The following RAF1 variants were observed in gnomAD, a reference collection of about 807,000 sequenced individuals.
The protein encoded by RAF1 is Raf-1 proto-oncogene, serine/threonine kinase, also known as RAF proto-oncogene serine/threonine-protein kinase.
RAF1 carries 27 observed loss-of-function variants against 81.1 expected under a neutral mutation model. The ratio of observed to expected loss-of-function variants is 0.33; its 90% CI spans 0.25 to 0.46. The LOEUF (loss-of-function observed/expected upper bound fraction) is 0.46, where lower values mean the gene tolerates loss of function less well. Among genes scored for constraint, RAF1 ranks in the 20% least tolerant of loss-of-function variants. The pLI is 1.00. For synonymous variants in RAF1, 298 were observed against 294.0 expected, an observed-to-expected ratio of 1.01 and a Z score of -0.14; for missense variants, 598 against 826.0, an observed-to-expected ratio of 0.72 and a Z score of 3.38.
At chr3:12,640,552 G>A (rs1346731808) in intron 1 of RAF1, among the ~76,000 whole-genome samples, 1 of 152,130 alleles carries the variant, frequency 6.6e-6, no homozygotes, top group African/African-American at 2.4e-5. Flanking sequence ...ATCAAAAAGT[G>A]GGCAAAGGAT....
rs2058814393 is a variant in RAF1 at position 12,600,144 on chromosome 3, A to G, written c.1050+8T>C. 6.2e-7 allele frequency: 1 copy of G among 1,614,040 alleles called. No individual in the cohort carries two copies. The highest frequency in any genetic ancestry group is 8.5e-7 in the Non-Finnish European group (1 of 1,179,962). ...TAATTGGCAGGAGGTACTGTTGTCTATACTCACAATTTTGTTTTTCTCCTG... is the reference window on the plus strand; with the variant it reads ...TAATTGGCAGGAGGTACTGTTGTCTGTACTCACAATTTTGTTTTTCTCCTG... On this transcript the variant is annotated splice_region_variant and intron_variant, in intron 10 of 17. Transcript: ENST00000442415.
chr3:12,636,440 C>CT (rs934267590), intron 1 of RAF1, among the ~76,000 whole-genome samples: 12 of 47,886 alleles, frequency 2.5e-4, no homozygotes, highest in South Asian at 1.3e-3. Context: ...GACTGTATAT[C>CT]TTTAAAAAAA....
At chr3:12,593,452 G>A (rs1380286780) in intron 11 of RAF1, among the ~76,000 whole-genome samples, 1 of 146,054 alleles carries the variant, frequency 6.8e-6, no homozygotes, top group African/African-American at 2.5e-5. Context: ...CTGTCTCCCT[G>A]TGATCTCTGG....
rs186130570 is a variant in RAF1 at position 12,601,286 on chromosome 3, G to C, written c.895-871C>G. Reference sequence around the variant, plus strand: ...CCAGTAGGTGGCAGAAATAGAACCAGAAACCATCATATATGGATCTCAGCC... The same window carrying C: ...CCAGTAGGTGGCAGAAATAGAACCACAAACCATCATATATGGATCTCAGCC... On this transcript the variant is annotated intron_variant, in intron 8 of 17. Coordinates refer to ENST00000442415, the MANE Select transcript of RAF1 (RefSeq NM_001354689.3). Among the ~76,000 whole-genome samples the C allele has an allele frequency of 3.5e-4, 53 of 152,322 alleles. 1 individual carries two copies. Among genetic ancestry groups the C allele is most frequent in the African/African-American group, 1.2e-3 (48 of 41,570 alleles).
chr3:12,630,773 A>G (rs1281205071), intron 1 of RAF1, among the ~76,000 whole-genome samples: 2 of 152,158 alleles, frequency 1.3e-5, no homozygotes, highest in Non-Finnish European at 2.9e-5. Context: ...AAAGGTCTTG[A>G]GCAGAGGAAA....
Position 12,619,689 on chromosome 3 carries a change from C to T in RAF1, c.-26-942G>A, listed in dbSNP as rs149441687. Among the ~76,000 whole-genome samples, 62 of 151,986 alleles carry T rather than the reference C, an allele frequency of 4.1e-4. 1 individual carries two copies. Among genetic ancestry groups the T allele is most frequent in the African/African-American group, 1.5e-3 (62 of 41,430 alleles). On this transcript the variant is annotated intron_variant, in intron 1 of 17. Coordinates refer to ENST00000442415, the MANE Select transcript of RAF1 (RefSeq NM_001354689.3). The stretch of plus-strand genomic sequence containing the variant: ...CTACTACCCTTGAGTGTGAGCAACA[C>T]ATTAGTACTATGAGAAATACCTGAA...
chr3:12,627,021 CA>C (rs34692000), intron 1 of RAF1, among the ~76,000 whole-genome samples: 478 of 77,034 alleles, frequency 6.2e-3, no homozygotes, highest in African/African-American at 0.016. Context: ...GACTCTGTCT[CA>C]AAAAAAAAAA....
intron 11 of RAF1, among the ~76,000 whole-genome samples, chr3:12,594,882 C>T (rs2058636815): frequency 6.6e-6 from 1 of 152,132 alleles, no homozygotes; most frequent in Non-Finnish European, 1.5e-5. Flanking sequence ...CTCGTTAACA[C>T]AGTTATGGTA....
chr3:12,615,846 T>C (rs2059354030), intron 2 of RAF1, among the ~76,000 whole-genome samples: 1 of 152,082 alleles, frequency 6.6e-6, no homozygotes, highest in Non-Finnish European at 1.5e-5. Context: ...GGTCAGGAGT[T>C]TGAGACCAGC....
Position 12,584,377 on chromosome 3 carries a change from C to T in RAF1, c.*137G>A, listed in dbSNP as rs1036209063. On this transcript the variant is annotated 3_prime_UTR_variant, in exon 18 of 18. Transcript: ENST00000442415. ...AAGAAGGCAACATGAAGTTAAGGCCCTGTGAGCAGTCTAGAAGGTCCTTAG... is the reference window on the plus strand; with the variant it reads ...AAGAAGGCAACATGAAGTTAAGGCCTTGTGAGCAGTCTAGAAGGTCCTTAG... 1 of 1,110,002 alleles carries T rather than the reference C, an allele frequency of 9.0e-7. No homozygotes were observed. Among genetic ancestry groups the T allele is most frequent in the African/African-American group, 1.5e-5 (1 of 64,740 alleles). The allele number at this position is 1,110,002 out of a possible 1,614,324, so 68.8% of individuals were successfully genotyped here.
chr3:12,605,920 A>G (rs1023627395), intron 6 of RAF1, among the ~76,000 whole-genome samples: 2 of 152,254 alleles, frequency 1.3e-5, no homozygotes, highest in African/African-American at 4.8e-5. Flanking sequence ...TGAGGAAAGC[A>G]GAATCTCAAG....
intron 1 of RAF1, among the ~76,000 whole-genome samples, chr3:12,630,572 T>A (rs1414843229): frequency 6.6e-6 from 1 of 152,172 alleles, no homozygotes; most frequent in Non-Finnish European, 1.5e-5. Flanking sequence ...TGAGTCTGAC[T>A]TGCAGATAAC....
rs2059123963 is a variant in RAF1 at position 12,608,933 on chromosome 3, G to C, written c.424-10C>G. On this transcript the variant is annotated splice_polypyrimidine_tract_variant and intron_variant, in intron 4 of 17. Transcript: ENST00000442415. Reference sequence around the variant, plus strand: ...GGAACGTCTTCCGAGCCTACAACAAGAACACAGGTGTAAATTATGCTGAAT... The same window carrying C: ...GGAACGTCTTCCGAGCCTACAACAACAACACAGGTGTAAATTATGCTGAAT... 1 of 1,613,856 alleles carries C rather than the reference G, an allele frequency of 6.2e-7. No homozygotes were observed. The highest frequency in any genetic ancestry group is 1.7e-5 in the Admixed American group (1 of 59,992).
chr3:12,647,015 G>A (rs1057114568), intron 1 of RAF1, among the ~76,000 whole-genome samples: 10 of 151,172 alleles, frequency 6.6e-5, no homozygotes, highest in South Asian at 2.1e-4. Flanking sequence ...CTTCATTACC[G>A]GCCAGGCGTG....
intron 3 of RAF1, among the ~76,000 whole-genome samples, chr3:12,609,650 A>G (rs2059149468): frequency 6.6e-6 from 1 of 152,108 alleles, no homozygotes; most frequent in African/African-American, 2.4e-5. Context: ...TTACTTAAAA[A>G]AATGTTTTTT....
chr3:12,601,635 C>A (rs992579169), intron 8 of RAF1, among the ~76,000 whole-genome samples: 1 of 151,986 alleles, frequency 6.6e-6, no homozygotes, highest in Non-Finnish European at 1.5e-5. Context: ...TACTAGAATG[C>A]TCCCACTCAA....
At chr3:12,589,675 G>C (rs1276292339) in intron 13 of RAF1, 1 of 152,212 alleles carries the variant, frequency 6.6e-6, no homozygotes, top group Non-Finnish European at 1.5e-5. Flanking sequence ...TGAGCCAAGA[G>C]GATAGCTGGA....
At chr3:12,629,529 A>T (rs919837990) in intron 1 of RAF1, among the ~76,000 whole-genome samples, 1 of 152,186 alleles carries the variant, frequency 6.6e-6, no homozygotes, top group Non-Finnish European at 1.5e-5. Context: ...CTATAAGAGA[A>T]ATTATCATTT....
intron 13 of RAF1, 136 bp from the exon 13 acceptor site, chr3:12,587,773 T>C: frequency 1.4e-6 from 1 of 690,856 alleles, no homozygotes; most frequent in Non-Finnish European, 2.6e-6. Context: ...GACCCTGTGC[T>C]GTTCAGCCTG....
Sources: allele counts gnomAD v4.1 joint callset (sites outside exome capture counted in the v4.1 genomes callset), GRCh38; gene constraint gnomAD v4.1.1; transcripts MANE v1.5; gene names NCBI Gene and HGNC (gene_info 2026-07-23, HGNC 2026-07-21).